DTNB: variants seen among roughly 807,000 people sequenced by gnomAD.
The protein encoded by DTNB is dystrobrevin beta.
In DTNB, 63 loss-of-function variants were observed where a neutral mutation model predicts 90.7. The ratio of observed to expected loss-of-function variants is 0.69; its 90% CI spans 0.57 to 0.86. The LOEUF is 0.86. Among genes scored for constraint, DTNB ranks in the 40% least tolerant of loss-of-function variants. The pLI, the probability that DTNB is intolerant of heterozygous loss-of-function variation, is 0.00. For missense variants in DTNB, 744 were observed against 807.1 expected (o/e 0.92, Z 0.95); for synonymous variants, 277 against 286.7 (o/e 0.97, Z 0.34).
intron 7 of DTNB, among the ~76,000 whole-genome samples, chr2:25,579,148 T>C (rs566631398): frequency 6.6e-6 from 1 of 152,252 alleles, no homozygotes; most frequent in East Asian, 1.9e-4. Flanking sequence ...GTATAGCAAA[T>C]ACAAAATGAT....
intron 8 of DTNB, among the ~76,000 whole-genome samples, chr2:25,542,004 T>C (rs1270340695): frequency 6.6e-6 from 1 of 152,230 alleles, no homozygotes; most frequent in Non-Finnish European, 1.5e-5. Context: ...ATGTAAGAGA[T>C]GCTATCAGAT....
intron 8 of DTNB, among the ~76,000 whole-genome samples, chr2:25,548,180 C>A (rs887997039): frequency 6.6e-6 from 1 of 152,172 alleles, no homozygotes; most frequent in African/African-American, 2.4e-5. Flanking sequence ...ATCAGTACTT[C>A]TTTCAGTTTC....
intron 9 of DTNB, among the ~76,000 whole-genome samples, chr2:25,504,430 A>G (rs1441624716): frequency 2.7e-5 from 4 of 150,900 alleles, no homozygotes; most frequent in African/African-American, 7.3e-5. Flanking sequence ...GAAGGAAAGA[A>G]AGAAGGAAAG....
At chr2:25,626,500 A>T (rs1176199633) in intron 4 of DTNB, among the ~76,000 whole-genome samples, 1 of 152,180 alleles carries the variant, frequency 6.6e-6, no homozygotes, top group South Asian at 2.1e-4. Flanking sequence ...ACAGTGGTAC[A>T]CACCTGTAAT....
At chr2:25,540,633 G>C (rs979481865) in intron 8 of DTNB, among the ~76,000 whole-genome samples, 5 of 152,154 alleles carry the variant, frequency 3.3e-5, no homozygotes, top group Admixed American at 1.3e-4. Flanking sequence ...TGAGAAATCG[G>C]ATGGTTGCTG....
At chr2:25,588,554 G>A (rs747570083) in intron 6 of DTNB, among the ~76,000 whole-genome samples, 1 of 152,052 alleles carries the variant, frequency 6.6e-6, no homozygotes, top group South Asian at 2.1e-4. Flanking sequence ...TAGTAGTGAC[G>A]GGGTTTCACC....
rs145610790 is a variant in DTNB, at chr2:25,418,739, G to C, written c.1575+776C>G. 4.5e-3 allele frequency among the ~76,000 whole-genome samples: 683 copies of C among 151,396 alleles called. 8 individuals carry two copies. Among genetic ancestry groups the C allele is most frequent in the African/African-American group, 0.015 (631 of 41,300 alleles). ...GCAAATTTTAAAAATTAAACGTTTT[G>C]TATTTATCTCCCAAAGGATAAAAAA... On this transcript the variant is annotated intron_variant, in intron 16 of 20. Coordinates refer to ENST00000406818, the MANE Select transcript of DTNB (RefSeq NM_021907.5).
chr2:25,386,097 G>T (rs569924566), intron 18 of DTNB: 2 of 985,496 alleles, frequency 2.0e-6, no homozygotes, highest in South Asian at 9.4e-5. Flanking sequence ...CTTCTGATGG[G>T]GGTTGAGAAA....
intron 1 of DTNB, among the ~76,000 whole-genome samples, chr2:25,659,544 A>C (rs1398179680): frequency 6.6e-6 from 1 of 152,220 alleles, no homozygotes; most frequent in South Asian, 2.1e-4. Context: ...AATTATCAAT[A>C]TTACTAATGA....
At position 25,592,586 on chromosome 2, in the gene DTNB, T is replaced by A. The variant is rs560547207; in HGVS notation, c.603+3500A>T. On this transcript the variant is annotated intron_variant, in intron 6 of 20. Coordinates refer to ENST00000406818, the MANE Select transcript of DTNB (RefSeq NM_021907.5). ...TTAGTTTCCCAGGCAAAAAAAAAAA[T>A]GTGTTTTAAAAAAGAATTAAAACTA... Among the ~76,000 whole-genome samples the A allele has an allele frequency of 3.0e-3, 456 of 150,672 alleles. 1 individual carries two copies. Among genetic ancestry groups the A allele is most frequent in the African/African-American group, 0.011 (433 of 41,094 alleles).
intron 9 of DTNB, among the ~76,000 whole-genome samples, chr2:25,501,496 T>C (rs1036454490): frequency 6.6e-6 from 1 of 151,764 alleles, no homozygotes; most frequent in Non-Finnish European, 1.5e-5. Context: ...TCTCCTGCCT[T>C]AGCCTCCTGA....
At chr2:25,646,377 C>T (rs1010459651) in intron 2 of DTNB, among the ~76,000 whole-genome samples, 3 of 151,912 alleles carry the variant, frequency 2.0e-5, no homozygotes, top group South Asian at 2.1e-4. Flanking sequence ...GAGGCTGAGA[C>T]AGGAGAATCG....
rs145132667 is a variant in DTNB, at chr2:25,391,782, T to C, written c.1576-3421A>G. Among the ~76,000 whole-genome samples the C allele has an allele frequency of 6.2e-3, 940 of 152,238 alleles. 9 individuals are homozygous for C. Among genetic ancestry groups the C allele is most frequent in the African/African-American group, 0.021 (860 of 41,544 alleles). ...ACTCCAAAAGGAACCCTCAAAACCA[T>C]GCAAATACATGGAAATTAAATAATC... On this transcript the variant is annotated intron_variant, in intron 16 of 20. Coordinates refer to ENST00000406818, the MANE Select transcript of DTNB (RefSeq NM_021907.5).
chr2:25,593,465 A>G (rs996538490), intron 6 of DTNB, among the ~76,000 whole-genome samples: 2 of 152,238 alleles, frequency 1.3e-5, no homozygotes, highest in East Asian at 1.9e-4. Flanking sequence ...CTTGGTCAAT[A>G]TATCAGTATA....
chr2:25,399,017 T>C (rs2043039930), intron 16 of DTNB, among the ~76,000 whole-genome samples: 1 of 152,210 alleles, frequency 6.6e-6, no homozygotes, highest in East Asian at 1.9e-4. Flanking sequence ...GAGCAGGTAG[T>C]AATCTCCAGG....
At chr2:25,407,797 G>A (rs2045586379) in intron 16 of DTNB, among the ~76,000 whole-genome samples, 2 of 152,096 alleles carry the variant, frequency 1.3e-5, no homozygotes, top group African/African-American at 4.8e-5. Context: ...GGGCGTGAAG[G>A]ATAAAAAACT....
intron 9 of DTNB, 79 bp downstream of exon 9, chr2:25,531,394 T>A: frequency 1.3e-6 from 2 of 1,544,602 alleles, no homozygotes; most frequent in South Asian, 2.6e-5. Context: ...TGTTAAGTGA[T>A]CCCTGGTTTT....
rs538054819 is a variant in DTNB at position 25,636,914 on chromosome 2, G to A, written c.148+2100C>T. 5.4e-3 allele frequency among the ~76,000 whole-genome samples: 819 copies of A among 151,470 alleles called. 1 individual carries two copies. Among genetic ancestry groups the A allele is most frequent in the Non-Finnish European group, 0.01 (686 of 67,928 alleles). On this transcript the variant is annotated intron_variant, in intron 3 of 20. Coordinates refer to ENST00000406818, the MANE Select transcript of DTNB (RefSeq NM_021907.5). ...TCTAGGATGGCATGATAAACTCTTCGGAGAGAATTTTAAGTTAAGATTTGT... is the reference window on the plus strand; with the variant it reads ...TCTAGGATGGCATGATAAACTCTTCAGAGAGAATTTTAAGTTAAGATTTGT...
intron 9 of DTNB, among the ~76,000 whole-genome samples, chr2:25,526,395 A>ATATTTTTTTTTTTTTT: frequency 4.0e-5 from 2 of 49,826 alleles, no homozygotes; most frequent in African/African-American, 2.0e-4. Flanking sequence ...ATATATATAT[A>ATATTTTTTTTTTTTTT]TTTTTTTTTT....
Sources: gnomAD v4.1 joint callset for allele counts (sites outside exome capture counted in the v4.1 genomes callset) on GRCh38, gnomAD v4.1.1 for gene constraint, MANE v1.5 for transcripts, NCBI Gene and HGNC (gene_info 2026-07-23, HGNC 2026-07-21) for gene names.